KIFBP: variants seen among roughly 807,000 people sequenced by gnomAD.
KIFBP encodes the protein kinesin family binding protein.
Under a neutral mutation model 58.9 loss-of-function variants are expected in KIFBP, and 46 were observed. The observed-to-expected ratio is 0.78, with a 90% CI of 0.62 to 1.00. The LOEUF (loss-of-function observed/expected upper bound fraction) is 1.00, where lower values mean the gene tolerates loss of function less well. Ranked by LOEUF, KIFBP falls within the 50% of genes least tolerant of loss-of-function variation. The probability of loss-of-function intolerance (pLI) is 0.00; values close to 1 mark genes in which losing one functional copy is unlikely to be tolerated. For missense variants in KIFBP, 651 were observed against 752.9 expected (o/e 0.86, Z 1.58); for synonymous variants, 241 against 283.4 (o/e 0.85, Z 1.50).
Position 68,989,254 on chromosome 10 carries a change from C to A in KIFBP, c.422C>A (p.Ala141Glu). Residue 141 changes from alanine (A) to glutamate (E), a missense_variant, in exon 1 of 7, where the codon GCG becomes GAG. Transcript: ENST00000361983. ...GACTGCATCTCTCTCTGCATCCAGG[C>A]GCAGGTGAGAGCGAGCCCGGCCAGG... ...SHDCISLCIQ[A>E]QNNLGILWSE... 2.5e-6 allele frequency: 4 copies of A among 1,612,984 alleles called. No homozygotes were observed. Among genetic ancestry groups the A allele is most frequent in the Non-Finnish European group, 3.4e-6 (4 of 1,179,834 alleles).
chr10:68,996,291 T>G (rs1843406272), intron 1 of KIFBP, among the ~76,000 whole-genome samples: 1 of 152,106 alleles, frequency 6.6e-6, no homozygotes, highest in Non-Finnish European at 1.5e-5. Flanking sequence ...CCGGGTGTGG[T>G]GGCTGACGCC....
chr10:69,004,311 T>A (rs545009057), intron 2 of KIFBP, among the ~76,000 whole-genome samples: 23 of 149,538 alleles, frequency 1.5e-4, no homozygotes, highest in African/African-American at 5.7e-4. Context: ...GGCAGGAGGA[T>A]CACTGGAGGC....
At chr10:68,997,990 G>A (rs181937228) in intron 1 of KIFBP, among the ~76,000 whole-genome samples, 16 of 151,834 alleles carry the variant, frequency 1.1e-4, no homozygotes, top group Admixed American at 9.8e-4. Flanking sequence ...GTTTCCCGAG[G>A]CCTCCCCAGC....
At chr10:68,990,953 G>T in intron 1 of KIFBP, among the ~76,000 whole-genome samples, 1 of 151,780 alleles carries the variant, frequency 6.6e-6, no homozygotes, top group East Asian at 1.9e-4. Context: ...GAGGGAGGAA[G>T]AAGACTATAA....
At position 69,015,960 on chromosome 10, in the gene KIFBP, C is replaced by A; in HGVS notation, c.1410C>A (p.Asn470Lys). The A allele has an allele frequency of 1.5e-5, 24 of 1,614,158 alleles. No homozygotes were observed. The highest frequency in any genetic ancestry group is 2.0e-5 in the Non-Finnish European group (24 of 1,180,012). ...ATCCACAGTATTATCTGTTGGTCAA[C>A]AGACAGATCCAGTTTGAAATTGCAC... ...DLNPQYYLLVNRQIQFEIAHA... is the reference protein window; with the variant it reads ...DLNPQYYLLVKRQIQFEIAHA... Residue 470 changes from asparagine (N) to lysine (K), a missense_variant, in exon 7 of 7, where the codon AAC (asparagine) becomes AAA (lysine). By Grantham distance (94) the Asn-to-Lys change is moderately conservative (BLOSUM62 0). Coordinates refer to ENST00000361983, the MANE Select transcript of KIFBP (RefSeq NM_015634.4).
At position 69,015,691 on chromosome 10, in the gene KIFBP, G is replaced by A. The variant is rs886044247; in HGVS notation, c.1141G>A (p.Val381Met). ...TGCCATCTCTGCAGTAGAAGAGAAAGTGAGCTACTTGAGACCTTTAGATTT... is the reference window on the plus strand; with the variant it reads ...TGCCATCTCTGCAGTAGAAGAGAAAATGAGCTACTTGAGACCTTTAGATTT... The part of the protein sequence containing the change: ...CDAISAVEEK[V>M]SYLRPLDFEE... The change falls in exon 7 of 7, where the codon GTG becomes ATG. Residue 381 changes from valine to methionine, a missense_variant. Coordinates refer to ENST00000361983, the MANE Select transcript of KIFBP (RefSeq NM_015634.4). 4 of 1,614,216 alleles carry A rather than the reference G, an allele frequency of 2.5e-6. No individual in the cohort carries two copies. Among genetic ancestry groups the A allele is most frequent in the Non-Finnish European group, 3.4e-6 (4 of 1,180,036 alleles).
At chr10:69,008,283 G>A (rs1843554603) in intron 4 of KIFBP, among the ~76,000 whole-genome samples, 1 of 150,008 alleles carries the variant, frequency 6.7e-6, no homozygotes, top group African/African-American at 2.5e-5. Flanking sequence ...GCTAAAGGTG[G>A]GAGGATCCCT....
rs1189115863 is a variant in KIFBP, at chr10:68,998,070, CAGGT to C, written c.427-2351_427-2348del. 9.9e-5 allele frequency among the ~76,000 whole-genome samples: 15 copies of C among 152,174 alleles called. No individual in the cohort carries two copies. The East Asian group carries it at 2.1e-3, about 22-fold the overall frequency. On this transcript the variant is annotated intron_variant, in intron 1 of 6. Coordinates refer to ENST00000361983, the MANE Select transcript of KIFBP (RefSeq NM_015634.4). ...CTTTTCTTTATAAAGTATCTAGTCT[CAGGT>C]AGTTCTTTATAGCAATATGAGAATG...
intron 1 of KIFBP, among the ~76,000 whole-genome samples, chr10:68,995,582 G>C (rs1335158698): frequency 1.3e-5 from 2 of 152,120 alleles, no homozygotes; most frequent in Non-Finnish European, 2.9e-5. Context: ...TGTTCATGAA[G>C]GATTTCAGTC....
intron 4 of KIFBP, chr10:69,006,814 G>A (rs1843541893): frequency 1.3e-5 from 2 of 151,972 alleles, no homozygotes; most frequent in Admixed American, 6.6e-5. Flanking sequence ...CTGTAAATGC[G>A]CCCGATGATT....
rs368699219 is a variant in KIFBP at position 69,016,448 on chromosome 10, A to G, written c.*32A>G. On this transcript the variant is annotated 3_prime_UTR_variant, in exon 7 of 7. Transcript: ENST00000361983. ...TTTTTAAAGAAAGGAAATGTGCAAT[A>G]TTGAAGTGATCTTTTTCCCTAGTCA... is the stretch of plus-strand genomic sequence containing the variant. 4.6e-5 allele frequency: 74 copies of G among 1,609,872 alleles called. No individual in the cohort carries two copies. The highest frequency in any genetic ancestry group is 6.2e-5 in the Non-Finnish European group (73 of 1,177,200).
At chr10:69,001,678 G>A (rs1843467435) in intron 2 of KIFBP, among the ~76,000 whole-genome samples, 1 of 151,948 alleles carries the variant, frequency 6.6e-6, no homozygotes, top group African/African-American at 2.4e-5. Context: ...TTTGAACCTG[G>A]GAGGCAGAGG....
At chr10:69,005,421 T>C (rs1843521897) in intron 3 of KIFBP, among the ~76,000 whole-genome samples, 1 of 152,198 alleles carries the variant, frequency 6.6e-6, no homozygotes, top group Non-Finnish European at 1.5e-5. Flanking sequence ...CTTACACCTG[T>C]AATCCCAGCA....
intron 6 of KIFBP, among the ~76,000 whole-genome samples, chr10:69,011,940 C>G (rs1386884822): frequency 6.6e-6 from 1 of 151,866 alleles, no homozygotes; most frequent in South Asian, 2.1e-4. Context: ...ATCCATCCAT[C>G]TCGGCCTCCC....
At chr10:68,995,042 G>A (rs868625897) in intron 1 of KIFBP, among the ~76,000 whole-genome samples, 35 of 151,694 alleles carry the variant, frequency 2.3e-4, no homozygotes, top group Non-Finnish European at 1.9e-4. Context: ...TTTTGAAGAC[G>A]GGGTCTGGCT....
intron 6 of KIFBP, 79 bp from the exon 7 acceptor site, chr10:69,015,462 T>G: frequency 7.1e-7 from 1 of 1,415,074 alleles, no homozygotes; most frequent in African/African-American, 1.4e-5. Context: ...TCTAAAAAAC[T>G]CTGAAGTTTG....
intron 6 of KIFBP, chr10:69,011,342 C>G (rs1297756793): frequency 5.0e-6 from 1 of 199,652 alleles, no homozygotes; most frequent in African/African-American, 2.4e-5. Context: ...TCCTTGAAGA[C>G]TTTTCTTTGG....
chr10:69,003,558 T>G (rs1158426362), intron 2 of KIFBP, among the ~76,000 whole-genome samples: 1 of 152,186 alleles, frequency 6.6e-6, no homozygotes, highest in African/African-American at 2.4e-5. Context: ...GTTAGGTAGT[T>G]CTGTTTTGGA....
intron 6 of KIFBP, among the ~76,000 whole-genome samples, chr10:69,012,304 C>T (rs762237659): frequency 2.6e-5 from 4 of 152,026 alleles, no homozygotes; most frequent in East Asian, 1.9e-4. Context: ...ATTAAGGCCT[C>T]GGAAAAGTGC....
Sources: allele counts gnomAD v4.1 joint callset (sites outside exome capture counted in the v4.1 genomes callset), GRCh38; gene constraint gnomAD v4.1.1; transcripts MANE v1.5; gene names NCBI Gene and HGNC (gene_info 2026-07-23, HGNC 2026-07-21).